Variants in CCDC170 observed in about 807,000 individuals in gnomAD.
CCDC170 encodes coiled-coil domain-containing protein 170.
A neutral mutation model predicts 72.6 loss-of-function variants in CCDC170; 69 were observed. That is an observed-to-expected ratio of 0.95 (90% CI 0.78 to 1.16). The LOEUF (loss-of-function observed/expected upper bound fraction) is 1.16, where lower values mean the gene tolerates loss of function less well. Ranked by LOEUF, CCDC170 falls within the 50% of genes most tolerant of loss-of-function variation. CCDC170 has a pLI of 0.00. For missense variants in CCDC170, 852 were observed against 832.5 expected (o/e 1.02, Z -0.29); for synonymous variants, 300 against 303.9 (o/e 0.99, Z 0.13).
chr6:151,615,190 T>C (rs1403979177), intron 9 of CCDC170, among the ~76,000 whole-genome samples: 1 of 152,236 alleles, frequency 6.6e-6, no homozygotes, highest in Non-Finnish European at 1.5e-5. Context: ...CCCAGAATTA[T>C]GCTGTCTACA....
rs111447288 is a variant in CCDC170 at position 151,517,817 on chromosome 6, G to A, written c.58-18501G>A. Among the ~76,000 whole-genome samples the A allele has an allele frequency of 3.3e-3, 505 of 152,060 alleles. 1 individual carries two copies. The highest frequency in any genetic ancestry group is 0.012 in the African/African-American group (492 of 41,490). On this transcript the variant is annotated intron_variant, in intron 1 of 10. Transcript: ENST00000239374. ...CTTGGAAGGGCCAAGTCAAGCTGTG[G>A]TCTACCTCTAGGAAGTGTACAATAC...
intron 1 of CCDC170, among the ~76,000 whole-genome samples, chr6:151,532,049 C>A (rs775566746): frequency 6.6e-6 from 1 of 151,774 alleles, no homozygotes; most frequent in Non-Finnish European, 1.5e-5. Flanking sequence ...TTAACCAATG[C>A]AATTAGTCAA....
intron 1 of CCDC170, among the ~76,000 whole-genome samples, chr6:151,495,771 C>T (rs938772278): frequency 5.3e-5 from 8 of 152,312 alleles, no homozygotes; most frequent in Admixed American, 2.6e-4. Flanking sequence ...GCTGGGATTA[C>T]AGAGATGCAC....
Position 151,596,442 on chromosome 6 carries a change from G to C in CCDC170, c.1575G>C (p.Val525=). 1 of 1,614,136 alleles carries C rather than the reference G, an allele frequency of 6.2e-7. No individual in the cohort carries two copies. The highest frequency in any genetic ancestry group is 1.1e-5 in the South Asian group (1 of 91,084). ...EEEKQARTAL[V]VERDNAHLTI... ...AGAAGCAGGCACGCACGGCCTTGGT[G>C]GTTGAGAGGGACAACGCGCATCTTA... The change falls in exon 9 of 11, where the codon GTG becomes GTC. Residue 525 remains valine, a synonymous_variant. Transcript: ENST00000239374.
At chr6:151,541,786 C>A (rs1782694072) in intron 3 of CCDC170, among the ~76,000 whole-genome samples, 1 of 146,380 alleles carries the variant, frequency 6.8e-6, no homozygotes, top group Non-Finnish European at 1.5e-5. Context: ...AGGTAGTGTA[C>A]TATTTTTACT....
At chr6:151,505,291 A>G (rs1644477024) in intron 1 of CCDC170, among the ~76,000 whole-genome samples, 4 of 152,154 alleles carry the variant, frequency 2.6e-5, no homozygotes, top group Admixed American at 2.6e-4. Context: ...GCATCTCAGC[A>G]CTGGTCCTGC....
chr6:151,563,352 C>T (rs1184176943), intron 5 of CCDC170, among the ~76,000 whole-genome samples: 5 of 152,162 alleles, frequency 3.3e-5, no homozygotes, highest in African/African-American at 4.8e-5. Context: ...TATGGGACTG[C>T]CTCCTTTAGT....
intron 8 of CCDC170, among the ~76,000 whole-genome samples, chr6:151,595,692 C>T (rs1300397874): frequency 6.6e-6 from 1 of 152,032 alleles, no homozygotes; most frequent in South Asian, 2.1e-4. Context: ...TGGCATGCAT[C>T]ACAAGTCCCA....
intron 5 of CCDC170, among the ~76,000 whole-genome samples, chr6:151,555,357 CA>C (rs1283170290): frequency 3.6e-4 from 55 of 152,162 alleles, no homozygotes; most frequent in African/African-American, 1.2e-3. Context: ...ATAAGATAAA[CA>C]TGAGATTAAT....
At chr6:151,561,941 G>C (rs1375872616) in intron 5 of CCDC170, among the ~76,000 whole-genome samples, 1 of 151,900 alleles carries the variant, frequency 6.6e-6, no homozygotes, top group Non-Finnish European at 1.5e-5. Context: ...TTTTATTTTT[G>C]TCTGACTTGG....
At chr6:151,587,354 GAAGTCTGGTGACCA>G (rs1325393346) in intron 7 of CCDC170, among the ~76,000 whole-genome samples, 7 of 152,206 alleles carry the variant, frequency 4.6e-5, no homozygotes, top group Admixed American at 4.6e-4. Flanking sequence ...AGACCAGTGT[GAAGTCTGGTGACCA>G]AAGAGAAGAG....
chr6:151,582,900 A>G (rs1180144842), intron 6 of CCDC170, among the ~76,000 whole-genome samples: 2 of 150,816 alleles, frequency 1.3e-5, no homozygotes, highest in Admixed American at 6.6e-5. Flanking sequence ...CACTAGGCCC[A>G]CCTCCAACTG....
At chr6:151,571,837 C>A (rs1776223699) in intron 5 of CCDC170, among the ~76,000 whole-genome samples, 1 of 152,042 alleles carries the variant, frequency 6.6e-6, no homozygotes, top group African/African-American at 2.4e-5. Flanking sequence ...TTTTTCTGAA[C>A]CTAATTTCAC....
chr6:151,593,336 A>G, intron 8 of CCDC170, 56 bp downstream of exon 8: 3 of 1,557,994 alleles, frequency 1.9e-6, no homozygotes, highest in Non-Finnish European at 2.6e-6. Context: ...AAAAACCCAA[A>G]CATTGAAAAA....
chr6:151,545,184 C>G (rs1782752535), intron 4 of CCDC170, among the ~76,000 whole-genome samples: 1 of 152,140 alleles, frequency 6.6e-6, no homozygotes, highest in Non-Finnish European at 1.5e-5. Context: ...CTTTGGGAGG[C>G]TCAGGCGGGC....
intron 9 of CCDC170, among the ~76,000 whole-genome samples, chr6:151,613,956 G>C (rs1776916616): frequency 6.6e-6 from 1 of 152,160 alleles, no homozygotes. Context: ...ATACCTACCA[G>C]TAGTGTATGA....
At chr6:151,608,554 G>A (rs554464672) in intron 9 of CCDC170, among the ~76,000 whole-genome samples, 1 of 152,328 alleles carries the variant, frequency 6.6e-6, no homozygotes, top group South Asian at 2.1e-4. Flanking sequence ...TGTAGTCTCT[G>A]TATGATTTCT....
intron 9 of CCDC170, 91 bp downstream of exon 9, chr6:151,596,668 G>C: frequency 6.6e-7 from 1 of 1,504,298 alleles, no homozygotes; most frequent in Non-Finnish European, 8.9e-7. Context: ...GGACACGCCA[G>C]AAGAAGAAAG....
chr6:151,510,222 T>C (rs1782129093), intron 1 of CCDC170, among the ~76,000 whole-genome samples: 1 of 152,244 alleles, frequency 6.6e-6, no homozygotes, highest in Non-Finnish European at 1.5e-5. Context: ...GAATTCTTAC[T>C]GTGTCATTTT....
Sources: gnomAD v4.1 joint callset for allele counts (sites outside exome capture counted in the v4.1 genomes callset) on GRCh38, gnomAD v4.1.1 for gene constraint, MANE v1.5 for transcripts, NCBI Gene and HGNC (gene_info 2026-07-23, HGNC 2026-07-21) for gene names.